HTR1F: variants seen among roughly 807,000 people sequenced by gnomAD.
The protein encoded by HTR1F is 5-hydroxytryptamine receptor 1F, also known as 5-hydroxytryptamine (serotonin) receptor 1F, G protein-coupled.
HTR1F carries 17 observed loss-of-function variants against 24.0 expected under a neutral mutation model. The observed-to-expected ratio is 0.71, with a 90% CI of 0.48 to 1.06. The LOEUF is 1.06. HTR1F is among the 50% of genes least tolerant of loss of function. The probability of loss-of-function intolerance (pLI) is 0.00; values close to 1 mark genes in which losing one functional copy is unlikely to be tolerated. For synonymous variants in HTR1F, 186 were observed against 156.8 expected (o/e 1.19, Z -1.39); for missense variants, 391 against 427.8 (o/e 0.91, Z 0.76).
intron 2 of HTR1F, among the ~76,000 whole-genome samples, chr3:87,876,365 T>C (rs886571411): frequency 2.0e-5 from 3 of 152,162 alleles, no homozygotes; most frequent in Non-Finnish European, 4.4e-5. Flanking sequence ...AAATGTCCAT[T>C]GATGGACAAA....
At chr3:87,806,581 A>G (rs958152196) in intron 1 of HTR1F, among the ~76,000 whole-genome samples, 1 of 152,010 alleles carries the variant, frequency 6.6e-6, no homozygotes, top group African/African-American at 2.4e-5. Context: ...ATAGTTTGCA[A>G]ATATTTTCTC....
At chr3:87,881,637 T>TG (rs1559617192) in intron 2 of HTR1F, among the ~76,000 whole-genome samples, 1 of 152,190 alleles carries the variant, frequency 6.6e-6, no homozygotes, top group East Asian at 1.9e-4. Flanking sequence ...TAAATGGTGC[T>TG]GGGAAAACTG....
intron 2 of HTR1F, among the ~76,000 whole-genome samples, chr3:87,841,306 C>T (rs1162858592): frequency 6.6e-6 from 1 of 151,712 alleles, no homozygotes; most frequent in African/African-American, 2.4e-5. Context: ...AAAATAGAGT[C>T]TCTTGTAAAC....
At position 87,940,972 on chromosome 3, in the gene HTR1F, G is replaced by C. The variant is rs1448841069; in HGVS notation, c.-42-49736G>C. On this transcript the variant is annotated intron_variant, in intron 2 of 2. Transcript: ENST00000319595. ...TGCCGCCACTACCTGTAAACAATGA[G>C]GCCAACCCTTTGCCACTACATCAAT... Among the ~76,000 whole-genome samples the C allele has an allele frequency of 2.0e-5, 3 of 152,308 alleles. No individual in the cohort carries two copies. In the South Asian group the frequency reaches 6.2e-4, roughly 32 times the overall value.
chr3:87,946,496 T>C (rs1394344372), intron 2 of HTR1F, among the ~76,000 whole-genome samples: 1 of 151,248 alleles, frequency 6.6e-6, no homozygotes, highest in African/African-American at 2.4e-5. Flanking sequence ...ATAAAACAAA[T>C]ACAAATTTTT....
chr3:87,815,717 C>T (rs1479277254), intron 1 of HTR1F, among the ~76,000 whole-genome samples: 2 of 152,012 alleles, frequency 1.3e-5, no homozygotes, highest in African/African-American at 4.8e-5. Context: ...AAAATTCCTG[C>T]CTTACTTTAC....
chr3:87,948,019 A>C lies in HTR1F; in HGVS notation c.-42-42689A>C, dbSNP rs1704749381. Among the ~76,000 whole-genome samples the C allele has an allele frequency of 2.0e-5, 3 of 152,192 alleles. No individual in the cohort carries two copies. The South Asian group carries it at 6.2e-4, about 31-fold the overall frequency. Reference sequence around the variant, plus strand: ...ATGTTTTTGTCAAAGAGTGAAAAAAATCCTATCTAATATTACTAATCTTGG... The same window carrying C: ...ATGTTTTTGTCAAAGAGTGAAAAAACTCCTATCTAATATTACTAATCTTGG... On this transcript the variant is annotated intron_variant, in intron 2 of 2. Transcript: ENST00000319595.
intron 2 of HTR1F, among the ~76,000 whole-genome samples, chr3:87,847,121 G>A (rs1317435037): frequency 6.6e-6 from 1 of 151,606 alleles, no homozygotes; most frequent in Non-Finnish European, 1.5e-5. Flanking sequence ...ATATAAAAAT[G>A]TACAGTTTCA....
At chr3:87,843,312 T>C (rs1431252883) in intron 2 of HTR1F, among the ~76,000 whole-genome samples, 1 of 151,944 alleles carries the variant, frequency 6.6e-6, no homozygotes, top group East Asian at 1.9e-4. Flanking sequence ...ATTCTGTTCA[T>C]GATGTTATTA....
chr3:87,983,739 G>A (rs1705602075), intron 2 of HTR1F, among the ~76,000 whole-genome samples: 1 of 152,068 alleles, frequency 6.6e-6, no homozygotes, highest in Admixed American at 6.6e-5. Flanking sequence ...CTTTTACTTA[G>A]CAATATAAAC....
chr3:87,951,603 A>T (rs1305585442), intron 2 of HTR1F, among the ~76,000 whole-genome samples: 1 of 152,106 alleles, frequency 6.6e-6, no homozygotes. Flanking sequence ...CATTATCAAC[A>T]TCCCCCACAA....
chr3:87,921,771 T>G (rs1280193666), intron 2 of HTR1F, among the ~76,000 whole-genome samples: 4 of 151,922 alleles, frequency 2.6e-5, no homozygotes, highest in Non-Finnish European at 5.9e-5. Context: ...GAATCTCTAC[T>G]TCCATGAACA....
chr3:87,842,628 G>A (rs1258653715), intron 2 of HTR1F, among the ~76,000 whole-genome samples: 2 of 151,984 alleles, frequency 1.3e-5, no homozygotes, highest in Admixed American at 1.3e-4. Context: ...TAAAGTCATA[G>A]AAATTATAAT....
At chr3:87,931,274 C>T (rs1704263971) in intron 2 of HTR1F, among the ~76,000 whole-genome samples, 1 of 151,966 alleles carries the variant, frequency 6.6e-6, no homozygotes, top group South Asian at 2.1e-4. Context: ...GTTCAATTCC[C>T]ATCTATGAGT....
intron 2 of HTR1F, among the ~76,000 whole-genome samples, chr3:87,978,780 G>A (rs1389400409): frequency 1.3e-5 from 2 of 149,372 alleles, no homozygotes; most frequent in Non-Finnish European, 3.0e-5. Context: ...GAGAGGGAGA[G>A]AGGGAAAGAA....
At chr3:87,890,613 G>T (rs1228285059) in intron 2 of HTR1F, among the ~76,000 whole-genome samples, 2 of 149,306 alleles carry the variant, frequency 1.3e-5, no homozygotes, top group African/African-American at 4.9e-5. Flanking sequence ...TTAACTGTAC[G>T]GTGGATAAAC....
intron 2 of HTR1F, among the ~76,000 whole-genome samples, chr3:87,832,316 C>CTTTTT (rs60414125): frequency 4.9e-4 from 62 of 125,522 alleles, no homozygotes; most frequent in Non-Finnish European, 6.0e-4. Context: ...AATATCCCTT[C>CTTTTT]TTTTTTTTTT....
At chr3:87,857,676 C>G (rs1367459118) in intron 2 of HTR1F, among the ~76,000 whole-genome samples, 3 of 152,034 alleles carry the variant, frequency 2.0e-5, no homozygotes, top group African/African-American at 7.2e-5. Context: ...TAGCCTCCCC[C>G]ATTAGCAACA....
intron 1 of HTR1F, among the ~76,000 whole-genome samples, chr3:87,818,340 C>T (rs1267072442): frequency 1.3e-5 from 2 of 152,044 alleles, no homozygotes; most frequent in Admixed American, 6.5e-5. Flanking sequence ...AGCTTCAGGC[C>T]CACTGTTTGG....
Sources: allele counts gnomAD v4.1 joint callset (sites outside exome capture counted in the v4.1 genomes callset), GRCh38; gene constraint gnomAD v4.1.1; transcripts MANE v1.5; gene names NCBI Gene and HGNC (gene_info 2026-07-23, HGNC 2026-07-21).